HDAC9: variants seen among roughly 807,000 people sequenced by gnomAD.
The protein encoded by HDAC9 is histone deacetylase 9.
Under a neutral mutation model 139.4 loss-of-function variants are expected in HDAC9, and 41 were observed. The observed-to-expected ratio is 0.29, with a 90% CI of 0.23 to 0.38. The LOEUF is 0.38. Ranked by LOEUF, HDAC9 falls within the 10% of genes least tolerant of loss-of-function variation. The pLI is 1.00. For synonymous variants in HDAC9, 517 were observed against 476.2 expected (o/e 1.09, Z -1.12); for missense variants, 1,147 against 1,297.0 (o/e 0.88, Z 1.78).
chr7:18,520,693 C>T (rs1193498860), intron 2 of HDAC9, among the ~76,000 whole-genome samples: 2 of 152,082 alleles, frequency 1.3e-5, no homozygotes, highest in Non-Finnish European at 2.9e-5. Context: ...AATAACAGTC[C>T]TACTACCGTA....
chr7:18,298,145 G>A (rs1405428963), intron 1 of HDAC9, among the ~76,000 whole-genome samples: 1 of 152,120 alleles, frequency 6.6e-6, no homozygotes, highest in African/African-American at 2.4e-5. Flanking sequence ...CTAAAGTGGT[G>A]CTCAATGGTA....
At chr7:18,858,587 A>G (rs1797864265) in intron 21 of HDAC9, among the ~76,000 whole-genome samples, 3 of 152,332 alleles carry the variant, frequency 2.0e-5, no homozygotes, top group Non-Finnish European at 4.4e-5. Flanking sequence ...TAACCAAATC[A>G]GCTTATGTTA....
intron 1 of HDAC9, among the ~76,000 whole-genome samples, chr7:18,390,952 G>A (rs1240429133): frequency 2.0e-5 from 3 of 152,174 alleles, no homozygotes; most frequent in African/African-American, 7.2e-5. Context: ...AGCCAGGCAT[G>A]GTGGCACACA....
intron 13 of HDAC9, among the ~76,000 whole-genome samples, chr7:18,732,863 A>ATG (rs1230466595): frequency 3.8e-5 from 4 of 104,014 alleles, no homozygotes; most frequent in Admixed American, 8.5e-5. Context: ...ATGTGTGCGT[A>ATG]TGTGTACACA....
At chr7:18,827,683 T>G (rs1795557775) in intron 17 of HDAC9, among the ~76,000 whole-genome samples, 1 of 152,208 alleles carries the variant, frequency 6.6e-6, no homozygotes, top group South Asian at 2.1e-4. Context: ...TATTTTTAAT[T>G]GAATCACAAA....
At chr7:18,308,504 G>A (rs188398987) in intron 1 of HDAC9, among the ~76,000 whole-genome samples, 34 of 152,176 alleles carry the variant, frequency 2.2e-4, no homozygotes, top group East Asian at 5.8e-4. Context: ...CATTTAGTAC[G>A]TGGTATTGGA....
At chr7:18,846,991 G>A (rs1298076455) in intron 21 of HDAC9, among the ~76,000 whole-genome samples, 1 of 152,186 alleles carries the variant, frequency 6.6e-6, no homozygotes, top group Non-Finnish European at 1.5e-5. Context: ...ACTGAGCTAG[G>A]CCCGTTTCTC....
intron 21 of HDAC9, among the ~76,000 whole-genome samples, chr7:18,862,611 C>G (rs1302807345): frequency 6.6e-6 from 1 of 152,162 alleles, no homozygotes; most frequent in Non-Finnish European, 1.5e-5. Context: ...ACCTTTCCCC[C>G]TCTCCATCTG....
intron 16 of HDAC9, among the ~76,000 whole-genome samples, chr7:18,772,226 A>T (rs1485970079): frequency 1.3e-5 from 2 of 152,126 alleles, no homozygotes; most frequent in Non-Finnish European, 2.9e-5. Flanking sequence ...AGGACAGGTC[A>T]TGGGAGGCAG....
intron 12 of HDAC9, among the ~76,000 whole-genome samples, chr7:18,709,224 G>A (rs1157444959): frequency 1.3e-5 from 2 of 152,060 alleles, no homozygotes; most frequent in African/African-American, 4.8e-5. Context: ...CCTGGTGTGT[G>A]TGTATTGTTC....
intron 6 of HDAC9, among the ~76,000 whole-genome samples, chr7:18,623,123 G>T (rs1840686033): frequency 6.8e-6 from 1 of 147,838 alleles, no homozygotes; most frequent in Non-Finnish European, 1.5e-5. Context: ...CAGCCTGGGT[G>T]ACAGAGTGAG....
chr7:18,932,042 A>G (rs572943046), intron 22 of HDAC9, among the ~76,000 whole-genome samples: 1 of 152,210 alleles, frequency 6.6e-6, no homozygotes, highest in Non-Finnish European at 1.5e-5. Flanking sequence ...AAATGTACCA[A>G]AATGATGCAA....
intron 6 of HDAC9, among the ~76,000 whole-genome samples, chr7:18,616,872 T>C (rs2128927563): frequency 6.6e-6 from 1 of 152,300 alleles, no homozygotes; most frequent in South Asian, 2.1e-4. Flanking sequence ...TGAATAGACT[T>C]AGAGGTTACA....
At chr7:18,168,144 C>T (rs1296257348) in intron 2 of HDAC9, among the ~76,000 whole-genome samples, 1 of 152,076 alleles carries the variant, frequency 6.6e-6, no homozygotes, top group African/African-American at 2.4e-5. Flanking sequence ...AAAATGTATG[C>T]TGAATATTAT....
intron 12 of HDAC9, among the ~76,000 whole-genome samples, chr7:18,723,265 A>AT (rs1785274763): frequency 6.6e-6 from 1 of 152,154 alleles, no homozygotes; most frequent in Admixed American, 6.6e-5. Flanking sequence ...AAAACTGAAA[A>AT]ATATATATTA....
chr7:18,165,283 A>G (rs1787926395), intron 2 of HDAC9, among the ~76,000 whole-genome samples: 1 of 152,134 alleles, frequency 6.6e-6, no homozygotes, highest in South Asian at 2.1e-4. Context: ...GCCTGGGGGA[A>G]GGATACTGGA....
At chr7:18,524,892 A>G (rs1362406459) in intron 2 of HDAC9, among the ~76,000 whole-genome samples, 1 of 151,856 alleles carries the variant, frequency 6.6e-6, no homozygotes, top group Non-Finnish European at 1.5e-5. Flanking sequence ...ACACACACAC[A>G]CACACACACA....
intron 17 of HDAC9, among the ~76,000 whole-genome samples, chr7:18,794,923 G>A (rs1488527569): frequency 6.6e-6 from 1 of 152,176 alleles, no homozygotes; most frequent in Non-Finnish European, 1.5e-5. Flanking sequence ...ATTGTTTTAA[G>A]TTTGTGTAAG....
chr7:18,118,210 A>G lies in HDAC9; in HGVS notation c.-97+30997A>G, dbSNP rs545194019. ...CTTCACAAATGAGCCAAGTAATCAC[A>G]TTTCTCTATGACATCTTGCTTTCTC... On this transcript the variant is annotated intron_variant, in intron 1 of 12. Coordinates refer to the HDAC9 transcript ENST00000417496. Among the ~76,000 whole-genome samples, 23 of 152,304 alleles carry G rather than the reference A, an allele frequency of 1.5e-4. No homozygotes were observed. In the South Asian group the frequency reaches 4.4e-3, roughly 29 times the overall value.
Sources: gnomAD v4.1 joint callset for allele counts (sites outside exome capture counted in the v4.1 genomes callset) on GRCh38, gnomAD v4.1.1 for gene constraint, MANE v1.5 for transcripts, NCBI Gene and HGNC (gene_info 2026-07-23, HGNC 2026-07-21) for gene names.